The following CDH8 variants were observed in gnomAD, a reference collection of about 807,000 sequenced individuals.
The protein encoded by CDH8 is cadherin-8.
A neutral mutation model predicts 68.1 loss-of-function variants in CDH8; 17 were observed. The observed-to-expected ratio is 0.25, with a 90% CI of 0.17 to 0.37. The LOEUF is 0.37. Ranked by LOEUF, CDH8 falls within the 10% of genes least tolerant of loss-of-function variation. The pLI is 1.00. For synonymous variants in CDH8, 372 were observed against 365.1 expected (o/e 1.02, Z -0.21); for missense variants, 763 against 999.3 (o/e 0.76, Z 3.19).
At chr16:61,785,279 AC>A (rs1381340712) in intron 8 of CDH8, among the ~76,000 whole-genome samples, 4 of 88,290 alleles carry the variant, frequency 4.5e-5, no homozygotes, top group African/African-American at 1.9e-4. Context: ...CCACAGAAAT[AC>A]AAACTACCAT....
chr16:61,968,481 T>A (rs1965289436), intron 2 of CDH8, among the ~76,000 whole-genome samples: 1 of 152,118 alleles, frequency 6.6e-6, no homozygotes, highest in Non-Finnish European at 1.5e-5. Flanking sequence ...GCAATCACAA[T>A]CCTCTCCATC....
intron 10 of CDH8, among the ~76,000 whole-genome samples, chr16:61,706,491 G>A (rs1451100163): frequency 1.3e-5 from 2 of 151,890 alleles, no homozygotes; most frequent in Non-Finnish European, 2.9e-5. Flanking sequence ...CGTGGTGGCG[G>A]GCGCCTGTAG....
chr16:61,759,036 A>G (rs762519988), intron 8 of CDH8, among the ~76,000 whole-genome samples: 1 of 152,150 alleles, frequency 6.6e-6, no homozygotes, highest in Non-Finnish European at 1.5e-5. Context: ...AGGATAGGGT[A>G]TGTCTCATAG....
At chr16:61,810,681 C>T (rs769421165) in intron 7 of CDH8, among the ~76,000 whole-genome samples, 41 of 152,180 alleles carry the variant, frequency 2.7e-4, no homozygotes, top group Non-Finnish European at 5.0e-4. Context: ...GACCTTAAAG[C>T]TCTACAGTTT....
intron 8 of CDH8, among the ~76,000 whole-genome samples, chr16:61,764,715 A>T (rs180871462): frequency 1.3e-5 from 2 of 152,186 alleles, no homozygotes; most frequent in Admixed American, 1.3e-4. Flanking sequence ...ATTTTAATGT[A>T]CAGAAATATT....
chr16:61,977,194 A>G (rs1210320027), intron 2 of CDH8, among the ~76,000 whole-genome samples: 1 of 152,168 alleles, frequency 6.6e-6, no homozygotes, highest in Non-Finnish European at 1.5e-5. Context: ...AAATGCTGGA[A>G]TGCCAACTTC....
chr16:61,727,118 T>C lies in CDH8; in HGVS notation c.1512A>G (p.Leu504=), dbSNP rs754869691. 1.6e-5 allele frequency: 25 copies of C among 1,610,636 alleles called. No homozygotes were observed. The Admixed American group carries it at 4.0e-4, about 26-fold the overall frequency. ...PEFASEYEAF[L]CENGKPGQVI... ...CTTGGCCGGGTTTTCCATTTTCACA[T>C]AAAAATGCCTCATATTCGGATGCGA... Residue 504 remains leucine, a synonymous_variant, in exon 9 of 12, where the codon TTA becomes TTG. Transcript: ENST00000577390.
chr16:61,918,872 C>CA (rs1964304506), intron 2 of CDH8, among the ~76,000 whole-genome samples: 1 of 150,982 alleles, frequency 6.6e-6, no homozygotes, highest in Non-Finnish European at 1.5e-5. Context: ...AGGGCACAGA[C>CA]AAACAAAAAG....
chr16:61,688,303 G>T (rs1362497037), intron 10 of CDH8, among the ~76,000 whole-genome samples: 1 of 151,900 alleles, frequency 6.6e-6, no homozygotes, highest in African/African-American at 2.4e-5. Context: ...TGGGCACATA[G>T]CCCTTGGAAA....
intron 8 of CDH8, among the ~76,000 whole-genome samples, chr16:61,751,808 G>T (rs1288218528): frequency 6.6e-6 from 1 of 151,984 alleles, no homozygotes; most frequent in Non-Finnish European, 1.5e-5. Context: ...AATATTTGAA[G>T]ATGTCTAAGA....
intron 3 of CDH8, among the ~76,000 whole-genome samples, chr16:61,878,425 T>C (rs1022507412): frequency 2.0e-5 from 3 of 152,198 alleles, no homozygotes; most frequent in African/African-American, 7.2e-5. Context: ...GATTTTGTTC[T>C]ATGAGAAGGG....
At chr16:61,882,345 T>C (rs1963594024) in intron 3 of CDH8, among the ~76,000 whole-genome samples, 1 of 152,236 alleles carries the variant, frequency 6.6e-6, no homozygotes, top group Non-Finnish European at 1.5e-5. Flanking sequence ...ACTGAATTGC[T>C]TAGATCTAGG....
At chr16:61,949,646 A>G (rs1398729084) in intron 2 of CDH8, among the ~76,000 whole-genome samples, 2 of 151,994 alleles carry the variant, frequency 1.3e-5, no homozygotes, top group Non-Finnish European at 2.9e-5. Flanking sequence ...ACAACATGAC[A>G]TCTATTAATA....
intron 8 of CDH8, among the ~76,000 whole-genome samples, chr16:61,728,376 T>G (rs1959437184): frequency 1.3e-5 from 2 of 150,962 alleles, no homozygotes; most frequent in Non-Finnish European, 3.0e-5. Flanking sequence ...TTTAGTTGAG[T>G]GCCATGACTA....
At chr16:61,984,641 G>A (rs1965596326) in intron 2 of CDH8, among the ~76,000 whole-genome samples, 1 of 151,808 alleles carries the variant, frequency 6.6e-6, no homozygotes, top group Non-Finnish European at 1.5e-5. Context: ...TCTCTTTGTT[G>A]TACTTTTTAT....
rs540058275 is a variant in CDH8, at chr16:61,894,349, C to T, written c.547+6830G>A. Among the ~76,000 whole-genome samples, 9 of 152,214 alleles carry T rather than the reference C, an allele frequency of 5.9e-5. No individual in the cohort carries two copies. In the South Asian group the frequency reaches 8.3e-4, roughly 14 times the overall value. On this transcript the variant is annotated intron_variant, in intron 3 of 11. Coordinates refer to ENST00000577390, the MANE Select transcript of CDH8 (RefSeq NM_001796.5). ...GCCCTTCCAGATTGAATAAGTCTTACGTTAGTGTGGTTCTAGATATGATAC... is the reference window on the plus strand; with the variant it reads ...GCCCTTCCAGATTGAATAAGTCTTATGTTAGTGTGGTTCTAGATATGATAC...
intron 1 of CDH8, among the ~76,000 whole-genome samples, chr16:62,022,511 T>A (rs1169756224): frequency 1.3e-5 from 2 of 152,140 alleles, no homozygotes; most frequent in African/African-American, 4.8e-5. Flanking sequence ...CATTTTTTGC[T>A]TACCCTCAGC....
intron 7 of CDH8, among the ~76,000 whole-genome samples, chr16:61,804,232 G>A (rs988426040): frequency 5.9e-5 from 9 of 151,430 alleles, no homozygotes; most frequent in East Asian, 3.9e-4. Flanking sequence ...GGTACGTAAC[G>A]AAATGAAGGC....
At chr16:62,007,979 A>T (rs1209110250) in intron 2 of CDH8, among the ~76,000 whole-genome samples, 2 of 151,744 alleles carry the variant, frequency 1.3e-5, no homozygotes, top group Non-Finnish European at 2.9e-5. Flanking sequence ...TTGAGTCAGG[A>T]TCTTGCTCTG....
Sources: allele counts gnomAD v4.1 joint callset (sites outside exome capture counted in the v4.1 genomes callset), GRCh38; gene constraint gnomAD v4.1.1; transcripts MANE v1.5; gene names NCBI Gene and HGNC (gene_info 2026-07-23, HGNC 2026-07-21).